SENP7: variants seen among roughly 807,000 people sequenced by gnomAD.
The protein encoded by SENP7 is sentrin-specific protease 7.
SENP7 carries 64 observed loss-of-function variants against 141.2 expected under a neutral mutation model. That is an observed-to-expected ratio of 0.45 (90% CI 0.37 to 0.56). SENP7 has a LOEUF of 0.56. Ranked by LOEUF, SENP7 falls within the 20% of genes least tolerant of loss-of-function variation. SENP7 has a pLI of 0.00. For missense variants in SENP7, 1,025 were observed against 1,212.2 expected, an observed-to-expected ratio of 0.85 and a Z score of 2.29; for synonymous variants, 382 against 426.4, an observed-to-expected ratio of 0.90 and a Z score of 1.28.
At chr3:101,483,911 C>T (rs974485038) in intron 3 of SENP7, among the ~76,000 whole-genome samples, 1 of 152,034 alleles carries the variant, frequency 6.6e-6, no homozygotes, top group Non-Finnish European at 1.5e-5. Context: ...GCCTGTAATC[C>T]CAGCTACTCA....
intron 6 of SENP7, among the ~76,000 whole-genome samples, chr3:101,398,555 T>C (rs559650717): frequency 2.0e-5 from 3 of 152,240 alleles, no homozygotes; most frequent in African/African-American, 7.2e-5. Context: ...AATAGACTAA[T>C]GTCAGAGGAA....
At chr3:101,383,363 G>T (rs1208079482) in intron 6 of SENP7, among the ~76,000 whole-genome samples, 3 of 152,196 alleles carry the variant, frequency 2.0e-5, no homozygotes, top group Non-Finnish European at 2.9e-5. Context: ...GCACAGCCGG[G>T]ACTGCAAATT....
intron 3 of SENP7, among the ~76,000 whole-genome samples, chr3:101,464,206 A>T (rs1454599623): frequency 1.3e-5 from 2 of 152,174 alleles, no homozygotes; most frequent in Non-Finnish European, 2.9e-5. Context: ...AGAAAATCTC[A>T]ACAGAGGAAC....
intron 6 of SENP7, among the ~76,000 whole-genome samples, chr3:101,397,692 G>T (rs542763638): frequency 6.6e-6 from 1 of 152,202 alleles, no homozygotes; most frequent in Non-Finnish European, 1.5e-5. Context: ...TATTTAAAAA[G>T]GCAACTATAA....
At chr3:101,358,355 G>A in intron 11 of SENP7, 1 of 610,136 alleles carries the variant, frequency 1.6e-6, no homozygotes, top group South Asian at 1.5e-5. Flanking sequence ...AGTCAATAAT[G>A]TGGCAAATCT....
At chr3:101,491,553 C>T (rs1477144781) in intron 3 of SENP7, among the ~76,000 whole-genome samples, 4 of 152,216 alleles carry the variant, frequency 2.6e-5, no homozygotes, top group Non-Finnish European at 5.9e-5. Flanking sequence ...CCACCACACA[C>T]AGCCCACCTT....
intron 4 of SENP7, among the ~76,000 whole-genome samples, chr3:101,433,628 T>C (rs1022204088): frequency 1.3e-5 from 2 of 152,146 alleles, no homozygotes; most frequent in Non-Finnish European, 2.9e-5. Context: ...TATACTTCTA[T>C]GAGACAAAAC....
At chr3:101,452,227 A>G (rs1163722692) in intron 4 of SENP7, among the ~76,000 whole-genome samples, 1 of 152,242 alleles carries the variant, frequency 6.6e-6, no homozygotes, top group Non-Finnish European at 1.5e-5. Flanking sequence ...ACACAAACAA[A>G]TGGAAGAACA....
intron 6 of SENP7, 53 bp downstream of exon 6, chr3:101,398,808 G>A: frequency 8.1e-7 from 1 of 1,240,742 alleles, no homozygotes; most frequent in Non-Finnish European, 1.1e-6. Flanking sequence ...GAACAGGGAA[G>A]GATACATAAA....
chr3:101,476,309 C>G (rs2064215183), intron 3 of SENP7, among the ~76,000 whole-genome samples: 1 of 151,598 alleles, frequency 6.6e-6, no homozygotes, highest in African/African-American at 2.4e-5. Flanking sequence ...TCCATGTGCT[C>G]TCATTGTTCA....
chr3:101,426,482 G>GA (rs201821579), intron 4 of SENP7, among the ~76,000 whole-genome samples: 4,501 of 115,424 alleles, frequency 0.039, 103 homozygotes, highest in Non-Finnish European at 0.06. Flanking sequence ...GGAGAAATAA[G>GA]ATTTTTTTTT....
At chr3:101,486,194 A>G (rs886871393) in intron 3 of SENP7, among the ~76,000 whole-genome samples, 4 of 151,884 alleles carry the variant, frequency 2.6e-5, no homozygotes, top group African/African-American at 9.7e-5. Flanking sequence ...ATTCTGGAAT[A>G]ACCAAGGAAA....
At chr3:101,374,385 T>C (rs533523004) in intron 6 of SENP7, among the ~76,000 whole-genome samples, 5 of 152,282 alleles carry the variant, frequency 3.3e-5, no homozygotes, top group African/African-American at 1.2e-4. Flanking sequence ...CTTTATGACA[T>C]TAGATTTGGC....
At chr3:101,434,421 TAA>T (rs1485291437) in intron 4 of SENP7, among the ~76,000 whole-genome samples, 2 of 147,312 alleles carry the variant, frequency 1.4e-5, no homozygotes, top group Admixed American at 6.7e-5. Context: ...AGAGAAAAAA[TAA>T]AGAGAGAAAA....
intron 4 of SENP7, among the ~76,000 whole-genome samples, chr3:101,448,518 C>T (rs923883403): frequency 3.9e-5 from 6 of 152,174 alleles, no homozygotes; most frequent in African/African-American, 7.2e-5. Context: ...TGCAGAACAG[C>T]GGATACTGGT....
At chr3:101,335,401 C>G (rs1304464326) in intron 17 of SENP7, among the ~76,000 whole-genome samples, 1 of 152,064 alleles carries the variant, frequency 6.6e-6, no homozygotes, top group Non-Finnish European at 1.5e-5. Flanking sequence ...CTTTTAAAAA[C>G]TGATTTGTAG....
intron 5 of SENP7, among the ~76,000 whole-genome samples, chr3:101,404,510 C>T (rs1054607981): frequency 8.6e-5 from 13 of 152,002 alleles, no homozygotes; most frequent in Admixed American, 2.0e-4. Context: ...TAGGCAGGCA[C>T]GGGCAAAGAT....
chr3:101,398,729 G>T, intron 6 of SENP7, 132 bp downstream of exon 6: 1 of 652,932 alleles, frequency 1.5e-6, no homozygotes, highest in Non-Finnish European at 2.4e-6. Flanking sequence ...CAGCCACCCG[G>T]GGAGAAAAAT....
intron 6 of SENP7, among the ~76,000 whole-genome samples, chr3:101,397,125 G>A (rs1029264921): frequency 2.0e-5 from 3 of 152,170 alleles, no homozygotes; most frequent in African/African-American, 7.2e-5. Flanking sequence ...TTACAGGCGT[G>A]AGCCACCATA....
Sources: allele counts gnomAD v4.1 joint callset (sites outside exome capture counted in the v4.1 genomes callset), GRCh38; gene constraint gnomAD v4.1.1; transcripts MANE v1.5; gene names NCBI Gene and HGNC (gene_info 2026-07-23, HGNC 2026-07-21).